CLEC17A: variants seen among roughly 807,000 people sequenced by gnomAD.
CLEC17A encodes the protein C-type lectin domain containing 17A, also known as C-type lectin domain family 17, member A.
In CLEC17A, 37 loss-of-function variants were observed where a neutral mutation model predicts 61.3. The observed-to-expected ratio is 0.60, with a 90% CI of 0.46 to 0.79. CLEC17A has a LOEUF of 0.79. Among genes scored for constraint, CLEC17A ranks in the 30% least tolerant of loss-of-function variants. CLEC17A has a pLI of 0.00. For synonymous variants in CLEC17A, 168 were observed against 164.9 expected (o/e 1.02, Z -0.14); for missense variants, 418 against 464.7 (o/e 0.90, Z 0.92).
At chr19:14,600,480 C>A (rs892302913) in intron 12 of CLEC17A, among the ~76,000 whole-genome samples, 1 of 152,164 alleles carries the variant, frequency 6.6e-6, no homozygotes, top group African/African-American at 2.4e-5. Context: ...TTTTATGTTT[C>A]AGGTTGCATT....
Position 14,609,630 on chromosome 19 carries a change from G to T in CLEC17A, c.1005-434G>T, listed in dbSNP as rs559564545. Among the ~76,000 whole-genome samples, 23 of 149,722 alleles carry T rather than the reference G, an allele frequency of 1.5e-4. 1 individual carries two copies. The South Asian group carries it at 3.0e-3, about 19-fold the overall frequency. ...AGGCGGGCGGATCACTTGAGGTCAG[G>T]AGTTCAAGACCAGCCTGGCCAACAT... On this transcript the variant is annotated intron_variant, in intron 13 of 13. Coordinates refer to ENST00000417570, the MANE Select transcript of CLEC17A (RefSeq NM_001204118.2).
intron 2 of CLEC17A, among the ~76,000 whole-genome samples, chr19:14,584,925 C>T (rs2074251540): frequency 6.6e-6 from 1 of 152,054 alleles, no homozygotes; most frequent in African/African-American, 2.4e-5. Context: ...CACATCATGA[C>T]CTTACCCACA....
At chr19:14,601,459 A>G (rs1404191519) in intron 12 of CLEC17A, among the ~76,000 whole-genome samples, 3 of 152,212 alleles carry the variant, frequency 2.0e-5, no homozygotes, top group Non-Finnish European at 4.4e-5. Context: ...TGTACACAAT[A>G]TGTATCATCT....
At position 14,592,188 on chromosome 19, in the gene CLEC17A, T is replaced by G. The variant is rs894100479; in HGVS notation, c.200-93T>G. On this transcript the variant is annotated intron_variant, in intron 3 of 13. Coordinates refer to ENST00000417570, the MANE Select transcript of CLEC17A (RefSeq NM_001204118.2). ...TGTGGTCAAGATCCAGGGTACAGAA[T>G]CCCCATCATGGGGCAGCTGAGGCAG... 4.4e-5 allele frequency: 60 copies of G among 1,356,434 alleles called. No individual in the cohort carries two copies. In the Admixed American group the frequency reaches 1.3e-3, roughly 30 times the overall value. 84.0% of individuals were successfully genotyped at this position (1,356,434 alleles called of 1,614,324 possible). A position where few individuals can be genotyped will look rare whatever the true frequency, so the allele number is the denominator to read the frequency against.
upstream of CLEC17A, among the ~76,000 whole-genome samples, chr19:14,581,470 C>A (rs1379661608): frequency 1.3e-5 from 2 of 151,748 alleles, no homozygotes; most frequent in Non-Finnish European, 2.9e-5. Flanking sequence ...ATTACAGGTG[C>A]CCGCTATCAT....
At chr19:14,598,304 T>TC (rs2074601706) in intron 10 of CLEC17A, among the ~76,000 whole-genome samples, 2 of 149,114 alleles carry the variant, frequency 1.3e-5, no homozygotes, top group African/African-American at 2.5e-5. Context: ...TGTTCTTTCT[T>TC]TCTCTCTCTC....
intron 2 of CLEC17A, among the ~76,000 whole-genome samples, chr19:14,587,051 G>T (rs2074300919): frequency 6.6e-6 from 1 of 151,650 alleles, no homozygotes. Flanking sequence ...ACCACGCCCG[G>T]CTAGTTTTTG....
chr19:14,604,366 AT>A (rs960655719), intron 12 of CLEC17A, among the ~76,000 whole-genome samples: 9 of 150,962 alleles, frequency 6.0e-5, no homozygotes, highest in African/African-American at 1.9e-4. Flanking sequence ...ACCTCCCCAC[AT>A]TTTTTTTTCC....
At chr19:14,598,434 CTCCT>C (rs1329954731) in intron 10 of CLEC17A, among the ~76,000 whole-genome samples, 3 of 148,252 alleles carry the variant, frequency 2.0e-5, no homozygotes, top group South Asian at 2.1e-4. Flanking sequence ...CTCCCTCTTT[CTCCT>C]TCCTTCCTTC....
In CLEC17A at chr19:14,600,039, C is replaced by T. The variant is rs759035385; in HGVS notation, c.751C>T (p.Arg251Ter). ...TTCTGTCTGGTTCCCAGACTGCCGC[C>T]GAATTACCTGTCCTGAAGGCTGGCT... ...VELWGLLDCR[R>*]ITCPEGWLPF... Residue 251 changes from arginine (R) to a stop codon, truncating the protein, a stop_gained, in exon 12 of 14, where the codon CGA (arginine) becomes TGA (stop). Transcript: ENST00000417570. LOFTEE classifies it high-confidence loss of function. The T allele has an allele frequency of 3.7e-6, 6 of 1,613,842 alleles. No homozygotes were observed. The highest frequency in any genetic ancestry group is 2.2e-5 in the South Asian group (2 of 91,074).
chr19:14,597,064 GA>G (rs2074569543), intron 9 of CLEC17A, 34 bp from the exon 10 acceptor site: 6 of 1,611,990 alleles, frequency 3.7e-6, no homozygotes, highest in Non-Finnish European at 5.1e-6. Flanking sequence ...GGGTGCACAG[GA>G]GGACCTGGGC....
At position 14,596,910 on chromosome 19, in the gene CLEC17A, A is replaced by G; in HGVS notation, c.480A>G (p.Gly160=). The G allele has an allele frequency of 6.2e-7, 1 of 1,608,624 alleles. No homozygotes were observed. Among genetic ancestry groups the G allele is most frequent in the Non-Finnish European group, 8.5e-7 (1 of 1,177,514 alleles). The change falls in exon 9 of 14, where the codon GGA becomes GGG. Residue 160 remains glycine, a synonymous_variant. Transcript: ENST00000417570. ...TCCCCTGGCTCAATCAGAGGTCTGG[A>G]GGTCCTGGCTGCTGCCAGAAGAGGT... ...TPVPWLNQRS[G]GPGCCQKRWM...
rs201772426 is a variant in CLEC17A at position 14,585,083 on chromosome 19, T to C, written c.121+1649T>C. On this transcript the variant is annotated intron_variant, in intron 2 of 13. Transcript: ENST00000417570. ...CCCCTCCATCCCCTTCCATCCCTTC[T>C]CCTTTCAATCAAACCCTCAAAGAGA... Among the ~76,000 whole-genome samples the C allele has an allele frequency of 5.4e-3, 813 of 151,430 alleles. 11 individuals carry two copies. The highest frequency in any genetic ancestry group is 9.1e-3 in the Non-Finnish European group (616 of 67,632).
intron 12 of CLEC17A, among the ~76,000 whole-genome samples, chr19:14,604,009 C>T (rs1485743239): frequency 6.6e-6 from 1 of 152,178 alleles, no homozygotes; most frequent in Non-Finnish European, 1.5e-5. Flanking sequence ...CCCACTCTTC[C>T]ATCAGCAAAG....
intron 10 of CLEC17A, among the ~76,000 whole-genome samples, chr19:14,598,910 C>T (rs965561082): frequency 1.3e-5 from 2 of 151,844 alleles, no homozygotes; most frequent in African/African-American, 2.4e-5. Flanking sequence ...CAGTGAACCA[C>T]GATTGCACTC....
chr19:14,610,273 C>T lies in CLEC17A; in HGVS notation c.*77C>T. The T allele has an allele frequency of 1.3e-6, 2 of 1,523,742 alleles. No individual in the cohort carries two copies. The highest frequency in any genetic ancestry group is 4.0e-5 in the Admixed American group (2 of 50,172). The allele number at this position is 1,523,742 out of a possible 1,614,324, so 94.4% of individuals were successfully genotyped here. A position where few individuals can be genotyped will look rare whatever the true frequency, so the allele number is the denominator to read the frequency against. Reference sequence around the variant, plus strand: ...AATCTCCTGCCCTTTCGTGGACGGCCTTGCCTCTTCGTGAGTGGACACACA... The same window carrying T: ...AATCTCCTGCCCTTTCGTGGACGGCTTTGCCTCTTCGTGAGTGGACACACA... On this transcript the variant is annotated 3_prime_UTR_variant, in exon 14 of 14. Transcript: ENST00000417570.
chr19:14,607,410 A>C (rs368700323), intron 13 of CLEC17A, among the ~76,000 whole-genome samples: 2 of 151,418 alleles, frequency 1.3e-5, no homozygotes, highest in East Asian at 3.9e-4. Flanking sequence ...TCACCGTGTT[A>C]GCCAGGATGG....
Position 14,596,946 on chromosome 19 carries a change from C to T in CLEC17A, c.516C>T (p.Tyr172=). The change falls in exon 9 of 14, where the codon TAC becomes TAT. Residue 172 remains tyrosine (Y), a synonymous_variant. Coordinates refer to ENST00000417570, the MANE Select transcript of CLEC17A (RefSeq NM_001204118.2). The part of the protein sequence containing the change: ...PGCCQKRWMV[Y]LCLLVVTSLF... ...GCTGCCAGAAGAGGTGGATGGTGTA[C>T]CTGTGTCTGCTGGTGGTGACTTCCC... is the stretch of plus-strand genomic sequence containing the variant. 6.2e-7 allele frequency: 1 copy of T among 1,608,366 alleles called. No homozygotes were observed. The highest frequency in any genetic ancestry group is 1.1e-5 in the South Asian group (1 of 89,692).
At chr19:14,600,352 G>C (rs1341676452) in intron 12 of CLEC17A, among the ~76,000 whole-genome samples, 170 bp downstream of exon 12, 1 of 152,170 alleles carries the variant, frequency 6.6e-6, no homozygotes, top group East Asian at 1.9e-4. Flanking sequence ...AGGTTAAGAA[G>C]ACATGCTTTG....
Sources: gnomAD v4.1 joint callset for allele counts (sites outside exome capture counted in the v4.1 genomes callset) on GRCh38, gnomAD v4.1.1 for gene constraint, MANE v1.5 for transcripts, NCBI Gene and HGNC (gene_info 2026-07-23, HGNC 2026-07-21) for gene names.